Variants in CACNB2 observed in about 807,000 individuals in gnomAD.
CACNB2 encodes the protein calcium voltage-gated channel auxiliary subunit beta 2.
A neutral mutation model predicts 73.3 loss-of-function variants in CACNB2; 42 were observed. The observed-to-expected ratio is 0.57, with a 90% CI of 0.45 to 0.74. The LOEUF (loss-of-function observed/expected upper bound fraction) is 0.74. CACNB2 is among the 30% of genes least tolerant of loss of function. CACNB2 has a pLI of 0.00. For missense variants in CACNB2, 940 were observed against 853.0 expected, an observed-to-expected ratio of 1.10 and a Z score of -1.27; for synonymous variants, 348 against 310.3, an observed-to-expected ratio of 1.12 and a Z score of -1.28.
At chr10:18,443,565 A>G (rs2046582005) in intron 3 of CACNB2, among the ~76,000 whole-genome samples, 1 of 152,190 alleles carries the variant, frequency 6.6e-6, no homozygotes, top group African/African-American at 2.4e-5. Context: ...ACTAATAGGC[A>G]TTAAGTAATT....
chr10:18,322,657 A>G (rs1462249876), intron 2 of CACNB2, among the ~76,000 whole-genome samples: 1 of 152,212 alleles, frequency 6.6e-6, no homozygotes, highest in South Asian at 2.1e-4. Flanking sequence ...GTGAATATGA[A>G]AGAAATAATG....
At chr10:18,159,458 GT>G (rs559011993) in intron 2 of CACNB2, among the ~76,000 whole-genome samples, 146 of 152,310 alleles carry the variant, frequency 9.6e-4, no homozygotes, top group African/African-American at 3.3e-3. Flanking sequence ...AACATATGCT[GT>G]GGTTGTAACG....
intron 2 of CACNB2, chr10:18,261,333 T>C (rs2037531763): frequency 4.5e-6 from 7 of 1,551,626 alleles, no homozygotes; most frequent in East Asian, 4.9e-5. Flanking sequence ...TTTCTATTGC[T>C]GTAGAATTGC....
At chr10:18,175,538 T>TCA (rs2033535069) in intron 2 of CACNB2, among the ~76,000 whole-genome samples, 2 of 152,118 alleles carry the variant, frequency 1.3e-5, no homozygotes, top group South Asian at 4.1e-4. Flanking sequence ...TCTTTGTCTT[T>TCA]CACACACACA....
intron 3 of CACNB2, among the ~76,000 whole-genome samples, chr10:18,481,543 G>A (rs1237067361): frequency 3.3e-5 from 5 of 151,490 alleles, no homozygotes; most frequent in Admixed American, 6.6e-5. Context: ...CACCGTACCC[G>A]GCCCATCATT....
intron 2 of CACNB2, among the ~76,000 whole-genome samples, chr10:18,388,811 TTTTAA>T (rs2043341993): frequency 7.7e-6 from 1 of 129,590 alleles, no homozygotes; most frequent in African/African-American, 2.6e-5. Context: ...AGTACTTTTC[TTTTAA>T]TTATTTTCTT....
intron 2 of CACNB2, among the ~76,000 whole-genome samples, chr10:18,375,355 A>G (rs766248578): frequency 3.3e-5 from 5 of 152,144 alleles, no homozygotes; most frequent in African/African-American, 9.7e-5. Flanking sequence ...GATAATCTCA[A>G]TGTGCTAATG....
chr10:18,366,389 C>G (rs534013805), intron 2 of CACNB2, among the ~76,000 whole-genome samples: 1 of 148,552 alleles, frequency 6.7e-6, no homozygotes, highest in Admixed American at 6.8e-5. Flanking sequence ...GGTACGAACC[C>G]GGGAGGCGGA....
At chr10:18,514,900 T>C in intron 7 of CACNB2, 1 of 909,682 alleles carries the variant, frequency 1.1e-6, no homozygotes, top group South Asian at 1.4e-5. Flanking sequence ...TGACTTATGA[T>C]ATCCAGATAC....
At chr10:18,170,985 C>A (rs41494451) in intron 2 of CACNB2, among the ~76,000 whole-genome samples, 1 of 152,158 alleles carries the variant, frequency 6.6e-6, no homozygotes, top group Non-Finnish European at 1.5e-5. Flanking sequence ...TACCGCCTTG[C>A]AAGGTGCTCA....
chr10:18,183,445 A>G (rs1347155836), intron 2 of CACNB2, among the ~76,000 whole-genome samples: 1 of 152,156 alleles, frequency 6.6e-6, no homozygotes, highest in Non-Finnish European at 1.5e-5. Context: ...GAGACTGGGT[A>G]ATTTATAAAG....
intron 2 of CACNB2, chr10:18,260,779 C>G (rs914809041): frequency 5.1e-5 from 51 of 1,008,890 alleles, no homozygotes; most frequent in Non-Finnish European, 5.9e-5. Flanking sequence ...CAGCAGCGTG[C>G]TAAGAAGCAG....
intron 2 of CACNB2, among the ~76,000 whole-genome samples, chr10:18,305,785 C>G (rs909672267): frequency 6.6e-6 from 1 of 151,976 alleles, no homozygotes; most frequent in African/African-American, 2.4e-5. Flanking sequence ...TTTGTGACCC[C>G]AGGTATAGGG....
At chr10:18,181,536 CAG>C (rs1294081084) in intron 2 of CACNB2, among the ~76,000 whole-genome samples, 3 of 148,036 alleles carry the variant, frequency 2.0e-5, no homozygotes, top group Non-Finnish European at 3.0e-5. Flanking sequence ...GGCCGGTAGT[CAG>C]AGTTTTGAAA....
intron 3 of CACNB2, among the ~76,000 whole-genome samples, chr10:18,441,659 CAG>C (rs1279250780): frequency 6.6e-6 from 1 of 151,954 alleles, no homozygotes; most frequent in Non-Finnish European, 1.5e-5. Context: ...TTTTTAAAGA[CAG>C]GGTCTCACTG....
chr10:18,357,993 A>T lies in CACNB2; in HGVS notation c.214-43931A>T, dbSNP rs2041991581. Among the ~76,000 whole-genome samples, 4 of 152,188 alleles carry T rather than the reference A, an allele frequency of 2.6e-5. 1 individual carries two copies. In the South Asian group the frequency reaches 8.3e-4, roughly 32 times the overall value. On this transcript the variant is annotated intron_variant, in intron 2 of 13. Coordinates refer to ENST00000324631, the MANE Select transcript of CACNB2 (RefSeq NM_201596.3). The stretch of plus-strand genomic sequence containing the variant: ...TACAAGCCTCAACATCCAGCACATC[A>T]TTGTCGCAGTGCATGGCAAATATTT...
At chr10:18,198,667 G>C (rs965890155) in intron 2 of CACNB2, among the ~76,000 whole-genome samples, 2 of 152,174 alleles carry the variant, frequency 1.3e-5, no homozygotes, top group African/African-American at 4.8e-5. Flanking sequence ...GGAAAGTAAA[G>C]CTGGGTTTTG....
At chr10:18,418,107 G>A (rs1401732235) in intron 3 of CACNB2, among the ~76,000 whole-genome samples, 6 of 151,968 alleles carry the variant, frequency 3.9e-5, no homozygotes, top group East Asian at 1.9e-4. Flanking sequence ...ATGGAGTTTC[G>A]CTCTGTCGCC....
chr10:18,507,311 G>C (rs1280514611), intron 6 of CACNB2, among the ~76,000 whole-genome samples: 1 of 152,186 alleles, frequency 6.6e-6, no homozygotes, highest in Non-Finnish European at 1.5e-5. Context: ...GGAAGACACA[G>C]ACAAGAAGTA....
Sources: allele counts gnomAD v4.1 joint callset (sites outside exome capture counted in the v4.1 genomes callset), GRCh38; gene constraint gnomAD v4.1.1; transcripts MANE v1.5; gene names NCBI Gene and HGNC (gene_info 2026-07-23, HGNC 2026-07-21).